PARD3B: variants seen among roughly 807,000 people sequenced by gnomAD.
PARD3B encodes partitioning defective 3 homolog B.
PARD3B carries 103 observed loss-of-function variants against 130.2 expected under a neutral mutation model. The observed-to-expected ratio is 0.79, with a 90% CI of 0.67 to 0.93. PARD3B has a LOEUF of 0.93. Among genes scored for constraint, PARD3B ranks in the 40% least tolerant of loss-of-function variants. The pLI, the probability that PARD3B is intolerant of heterozygous loss-of-function variation, is 0.00. For synonymous variants in PARD3B, 583 were observed against 553.2 expected, an observed-to-expected ratio of 1.05 and a Z score of -0.76; for missense variants, 1,609 against 1,499.2, an observed-to-expected ratio of 1.07 and a Z score of -1.21.
chr2:204,688,594 AAAAG>A (rs1009121612), intron 2 of PARD3B, among the ~76,000 whole-genome samples: 1 of 151,930 alleles, frequency 6.6e-6, no homozygotes. Context: ...AAAAAAAAAA[AAAAG>A]GTGAAAAAAA....
At chr2:205,396,550 G>T (rs1193166849) in intron 18 of PARD3B, among the ~76,000 whole-genome samples, 1 of 152,106 alleles carries the variant, frequency 6.6e-6, no homozygotes, top group Non-Finnish European at 1.5e-5. Flanking sequence ...TTTACATAAA[G>T]CGTATGTTGA....
At chr2:204,683,472 T>C (rs917908983) in intron 1 of PARD3B, among the ~76,000 whole-genome samples, 1 of 152,210 alleles carries the variant, frequency 6.6e-6, no homozygotes, top group African/African-American at 2.4e-5. Flanking sequence ...AATTTTTACA[T>C]GCATTAAAGA....
At chr2:204,792,348 T>C (rs2042229501) in intron 2 of PARD3B, among the ~76,000 whole-genome samples, 2 of 152,200 alleles carry the variant, frequency 1.3e-5, no homozygotes, top group African/African-American at 4.8e-5. Flanking sequence ...TGCTTCACTG[T>C]TTTTGCTTGT....
chr2:205,118,131 T>C (rs1017872588), intron 6 of PARD3B, among the ~76,000 whole-genome samples: 7 of 152,158 alleles, frequency 4.6e-5, no homozygotes, highest in Non-Finnish European at 8.8e-5. Context: ...GCTGCCCTAC[T>C]CGGAAGCGGG....
intron 15 of PARD3B, among the ~76,000 whole-genome samples, chr2:205,202,059 C>T (rs960220379): frequency 2.6e-5 from 4 of 152,058 alleles, no homozygotes; most frequent in African/African-American, 9.7e-5. Flanking sequence ...CAGATAGTTT[C>T]CAGCACCTCC....
intron 2 of PARD3B, among the ~76,000 whole-genome samples, chr2:204,770,986 A>G (rs549489604): frequency 2.0e-5 from 3 of 152,072 alleles, no homozygotes; most frequent in Admixed American, 6.6e-5. Flanking sequence ...GAAAGGTTCA[A>G]TCAGAGCAGA....
Position 205,241,652 on chromosome 2 carries a change from T to G in PARD3B, c.2141-4126T>G, listed in dbSNP as rs1222956113. Among the ~76,000 whole-genome samples, 1 of 152,172 alleles carries G rather than the reference T, an allele frequency of 6.6e-6. No homozygotes were observed. Among genetic ancestry groups the G allele is most frequent in the African/African-American group, 2.4e-5 (1 of 41,452 alleles). On this transcript the variant is annotated intron_variant, in intron 15 of 22. Transcript: ENST00000406610. The surrounding 1 kb of genome is among the most constrained non-coding windows in gnomAD (Gnocchi z 4.2). ...CAGAACGAGAACAAGAAACTTAGAC[T>G]CTTGCTCCATCAACACTCTCTTACT...
chr2:204,998,335 T>TACATATATATATATATATATAC (rs1361578552), intron 3 of PARD3B, among the ~76,000 whole-genome samples: 1 of 62,266 alleles, frequency 1.6e-5, no homozygotes, highest in Non-Finnish European at 2.9e-5. Flanking sequence ...TATATATATA[T>TACATATATATATATATATATAC]ATATATATAT....
intron 3 of PARD3B, among the ~76,000 whole-genome samples, chr2:205,040,101 C>G (rs189901836): frequency 9.5e-4 from 144 of 152,094 alleles, no homozygotes; most frequent in South Asian, 2.7e-3. Flanking sequence ...GTAGCTGGGA[C>G]TACGAGTGCA....
intron 20 of PARD3B, among the ~76,000 whole-genome samples, chr2:205,487,492 A>G (rs917668501): frequency 2.0e-5 from 3 of 152,182 alleles, no homozygotes; most frequent in Non-Finnish European, 2.9e-5. Flanking sequence ...CCATCCGTGC[A>G]CTAAATTATT....
chr2:205,364,326 T>A (rs980253463), intron 18 of PARD3B, among the ~76,000 whole-genome samples: 1 of 152,174 alleles, frequency 6.6e-6, no homozygotes, highest in African/African-American at 2.4e-5. Flanking sequence ...TTTTTGTTAG[T>A]CTTGACGTAG....
At chr2:205,371,421 G>T (rs1049271619) in intron 18 of PARD3B, among the ~76,000 whole-genome samples, 1 of 152,126 alleles carries the variant, frequency 6.6e-6, no homozygotes, top group Non-Finnish European at 1.5e-5. Flanking sequence ...TTGAACTATG[G>T]TCTGTAGAAC....
At chr2:205,103,181 AGTAAACATTTTATATTTAT>A (rs1702920684) in intron 4 of PARD3B, among the ~76,000 whole-genome samples, 1 of 94,084 alleles carries the variant, frequency 1.1e-5, no homozygotes, top group Non-Finnish European at 2.4e-5. Flanking sequence ...ATTTATGTAA[AGTAAACATTTTATATTTAT>A]GTAAACATTT....
intron 19 of PARD3B, among the ~76,000 whole-genome samples, chr2:205,404,533 T>C (rs1298602818): frequency 6.6e-6 from 1 of 152,216 alleles, no homozygotes; most frequent in African/African-American, 2.4e-5. Context: ...TAGCATTATA[T>C]GTTGAACATT....
In PARD3B at chr2:205,321,755, G is replaced by A. The variant is rs550551518; in HGVS notation, c.2630+20054G>A. On this transcript the variant is annotated intron_variant, in intron 18 of 22. Transcript: ENST00000406610. The surrounding 1 kb of genome is among the most constrained non-coding windows in gnomAD (Gnocchi z 4.2). ...ATTACAAGTCAAGAAAACCATTTTT[G>A]TGGGGTTTATCACTATCTAATCTAA... Among the ~76,000 whole-genome samples, 1 of 152,310 alleles carries A rather than the reference G, an allele frequency of 6.6e-6. No individual in the cohort carries two copies. The highest frequency in any genetic ancestry group is 2.1e-4 in the South Asian group (1 of 4,830).
intron 18 of PARD3B, among the ~76,000 whole-genome samples, chr2:205,304,409 G>A (rs1266814859): frequency 6.6e-6 from 1 of 152,110 alleles, no homozygotes; most frequent in Non-Finnish European, 1.5e-5. Flanking sequence ...GCCAAGACGG[G>A]CGGATCACCT....
chr2:205,206,215 TC>T (rs2037292714), intron 15 of PARD3B, among the ~76,000 whole-genome samples: 2 of 139,884 alleles, frequency 1.4e-5, no homozygotes, highest in African/African-American at 5.3e-5. Flanking sequence ...TTTTTTTTTT[TC>T]TTTTTTTTTT....
At chr2:205,555,711 C>T (rs2052852265) in intron 22 of PARD3B, among the ~76,000 whole-genome samples, 1 of 152,188 alleles carries the variant, frequency 6.6e-6, no homozygotes, top group Non-Finnish European at 1.5e-5. Flanking sequence ...ATGGTAAGAG[C>T]AATTAGTTGC....
At chr2:205,356,188 G>T (rs1290431022) in intron 18 of PARD3B, among the ~76,000 whole-genome samples, 1 of 152,092 alleles carries the variant, frequency 6.6e-6, no homozygotes, top group Admixed American at 6.5e-5. Context: ...ATCGATAAAG[G>T]TTTATCAAAC....
Sources: allele counts gnomAD v4.1 joint callset (sites outside exome capture counted in the v4.1 genomes callset), GRCh38; gene constraint gnomAD v4.1.1; non-coding constraint Gnocchi (gnomAD v3.1); transcripts MANE v1.5; gene names NCBI Gene and HGNC (gene_info 2026-07-23, HGNC 2026-07-21).